CLHC1: variants seen among roughly 807,000 people sequenced by gnomAD.
CLHC1 encodes clathrin heavy chain linker domain containing 1.
In CLHC1, 72 loss-of-function variants were observed where a neutral mutation model predicts 69.5. The observed-to-expected ratio is 1.04, with a 90% CI of 0.86 to 1.26. The LOEUF (loss-of-function observed/expected upper bound fraction) is 1.26, where lower values mean the gene tolerates loss of function less well. CLHC1 is among the 50% of genes most tolerant of loss of function. The pLI is 0.00. For missense variants in CLHC1, 790 were observed against 679.3 expected (o/e 1.16, Z -1.81); for synonymous variants, 223 against 224.3 (o/e 0.99, Z 0.05).
intron 9 of CLHC1, among the ~76,000 whole-genome samples, chr2:55,204,441 C>T (rs1672247714): frequency 6.6e-6 from 1 of 152,178 alleles, no homozygotes; most frequent in Non-Finnish European, 1.5e-5. Context: ...AAAACAGTAG[C>T]TTTTATCCAA....
At chr2:55,192,754 A>C (rs1671048615) in intron 9 of CLHC1, among the ~76,000 whole-genome samples, 2 of 152,162 alleles carry the variant, frequency 1.3e-5, no homozygotes, top group Non-Finnish European at 2.9e-5. Flanking sequence ...AGGTGCTGGG[A>C]AAACCAGATT....
chr2:55,212,320 A>G (rs892103015), intron 5 of CLHC1, among the ~76,000 whole-genome samples: 1 of 152,334 alleles, frequency 6.6e-6, no homozygotes, highest in Admixed American at 6.5e-5. Context: ...TTGTTAAGAC[A>G]CTGCTGAACT....
intron 3 of CLHC1, among the ~76,000 whole-genome samples, chr2:55,220,731 A>T (rs775030533): frequency 1.3e-5 from 2 of 152,186 alleles, no homozygotes; most frequent in African/African-American, 4.8e-5. Flanking sequence ...AAAGATAAAC[A>T]TGTTACAGTT....
intron 2 of CLHC1, chr2:55,225,734 TC>T: frequency 6.6e-6 from 1 of 152,468 alleles, no homozygotes; most frequent in Non-Finnish European, 1.5e-5. Context: ...TCCTGCAGCA[TC>T]CCCTCCTCCA....
chr2:55,191,205 G>A (rs1381468134), intron 9 of CLHC1, among the ~76,000 whole-genome samples: 2 of 152,146 alleles, frequency 1.3e-5, no homozygotes, highest in African/African-American at 4.8e-5. Flanking sequence ...AAGATTAAAG[G>A]TAGTTTTAGC....
intron 11 of CLHC1, among the ~76,000 whole-genome samples, 193 bp downstream of exon 11, chr2:55,180,317 A>C (rs2103674680): frequency 6.6e-6 from 1 of 152,272 alleles, no homozygotes; most frequent in African/African-American, 2.4e-5. Context: ...AATATTTTTG[A>C]ATATCCAGCA....
intron 5 of CLHC1, 124 bp downstream of exon 5, chr2:55,212,549 T>G (rs1366835473): frequency 1.3e-6 from 1 of 741,054 alleles, no homozygotes; most frequent in Admixed American, 2.8e-5. Context: ...ACTAAAATTA[T>G]GTGTACAACA....
chr2:55,228,744 G>A lies in CLHC1; in HGVS notation c.-255-540C>T, dbSNP rs530997715. Among the ~76,000 whole-genome samples the A allele has an allele frequency of 5.3e-5, 8 of 152,234 alleles. No homozygotes were observed. In the South Asian group the frequency reaches 1.7e-3, roughly 32 times the overall value. On this transcript the variant is annotated intron_variant, in intron 1 of 12. Coordinates refer to ENST00000401408, the MANE Select transcript of CLHC1 (RefSeq NM_152385.4). Reference sequence around the variant, plus strand: ...TACATTTATTTATTCAATATTTGGGGGACACCTATTGTTTGTCTGCCATTA... The same window carrying A: ...TACATTTATTTATTCAATATTTGGGAGACACCTATTGTTTGTCTGCCATTA...
chr2:55,217,576 T>C (rs1673694751), intron 4 of CLHC1, among the ~76,000 whole-genome samples: 1 of 113,400 alleles, frequency 8.8e-6, no homozygotes, highest in East Asian at 2.4e-4. Context: ...TATATATATA[T>C]ATATATATAC....
At chr2:55,178,704 T>A (rs1174046345) in intron 11 of CLHC1, among the ~76,000 whole-genome samples, 3 of 151,958 alleles carry the variant, frequency 2.0e-5, no homozygotes, top group Admixed American at 6.6e-5. Context: ...GTAAAAATAT[T>A]ATTTTGCGGC....
At chr2:55,232,427 T>C (rs1298386066), upstream of CLHC1, 2 of 295,328 alleles carry the variant, frequency 6.8e-6, no homozygotes, top group Non-Finnish European at 1.3e-5. Context: ...TTAAAAATTC[T>C]CTTAGCCACG....
intron 11 of CLHC1, 124 bp from the exon 12 acceptor site, chr2:55,177,905 T>C (rs1669556268): frequency 1.6e-6 from 1 of 632,376 alleles, no homozygotes; most frequent in Non-Finnish European, 2.6e-6. Flanking sequence ...AAGCCCTCAA[T>C]GACCCACTCC....
At chr2:55,202,863 C>A (rs1390486383) in intron 9 of CLHC1, among the ~76,000 whole-genome samples, 1 of 147,014 alleles carries the variant, frequency 6.8e-6, no homozygotes, top group Non-Finnish European at 1.5e-5. Flanking sequence ...TGCACCACTG[C>A]ACTCCAGCCT....
In CLHC1 at chr2:55,209,237, T is replaced by C. The variant is rs112375461; in HGVS notation, c.814+167A>G. Among the ~76,000 whole-genome samples, 16 of 152,294 alleles carry C rather than the reference T, an allele frequency of 1.1e-4. 1 individual carries two copies. Among genetic ancestry groups the C allele is most frequent in the African/African-American group, 3.9e-4 (16 of 41,554 alleles). ...TTGGCTCACCAAGTCTATTCTTTACTAATTATCTGTTAGCTGTTGAAGGAA... is the reference window on the plus strand; with the variant it reads ...TTGGCTCACCAAGTCTATTCTTTACCAATTATCTGTTAGCTGTTGAAGGAA... On this transcript the variant is annotated intron_variant, in intron 7 of 12. Coordinates refer to ENST00000401408, the MANE Select transcript of CLHC1 (RefSeq NM_152385.4).
At chr2:55,180,978 A>G (rs1208745779) in intron 10 of CLHC1, among the ~76,000 whole-genome samples, 2 of 152,036 alleles carry the variant, frequency 1.3e-5, no homozygotes, top group Non-Finnish European at 2.9e-5. Context: ...AGGAAACTAA[A>G]TGCATATATA....
intron 3 of CLHC1, among the ~76,000 whole-genome samples, chr2:55,219,828 A>G (rs750629159): frequency 2.0e-5 from 3 of 152,132 alleles, no homozygotes; most frequent in Non-Finnish European, 4.4e-5. Flanking sequence ...GATCTGAACT[A>G]TTTGTACAAT....
At chr2:55,210,899 G>T (rs1481504192) in intron 5 of CLHC1, among the ~76,000 whole-genome samples, 2 of 152,042 alleles carry the variant, frequency 1.3e-5, no homozygotes, top group East Asian at 1.9e-4. Flanking sequence ...CACAGGGTCT[G>T]CCCAGGCTGG....
intron 2 of CLHC1, chr2:55,224,864 C>A: frequency 8.2e-6 from 2 of 244,342 alleles, no homozygotes; most frequent in South Asian, 1.1e-4. Context: ...GGGGCTGGGT[C>A]AACTGGCAGC....
chr2:55,177,037 AT>A (rs1345346217), intron 12 of CLHC1, among the ~76,000 whole-genome samples: 1 of 152,100 alleles, frequency 6.6e-6, no homozygotes, highest in East Asian at 1.9e-4. Flanking sequence ...CATGTGGCTA[AT>A]TTTGGTATCT....
Sources: allele counts gnomAD v4.1 joint callset (sites outside exome capture counted in the v4.1 genomes callset), GRCh38; gene constraint gnomAD v4.1.1; transcripts MANE v1.5; gene names NCBI Gene and HGNC (gene_info 2026-07-23, HGNC 2026-07-21).